The following CPLX2 variants were observed in gnomAD, a reference collection of about 807,000 sequenced individuals.
The protein encoded by CPLX2 is complexin-2.
A neutral mutation model predicts 16.3 loss-of-function variants in CPLX2; 5 were observed. The ratio of observed to expected loss-of-function variants is 0.31; its 90% CI spans 0.16 to 0.64. The LOEUF is 0.64. Ranked by LOEUF, CPLX2 falls within the 30% of genes least tolerant of loss-of-function variation. CPLX2 has a pLI of 0.79. For synonymous variants in CPLX2, 89 were observed against 73.2 expected (o/e 1.22, Z -1.10); for missense variants, 144 against 181.4 (o/e 0.79, Z 1.18).
intron 1 of CPLX2, among the ~76,000 whole-genome samples, chr5:175,874,712 A>G (rs4867808): frequency 0.69 from 104,750 of 151,874 alleles, 36,836 homozygotes; most frequent in East Asian, 0.97. Context: ...GTGCAGGTGT[A>G]GGGGAGGGGA....
At chr5:175,857,324 GTCTT>G (rs1193963823) in intron 2 of CPLX2, among the ~76,000 whole-genome samples, 1 of 152,210 alleles carries the variant, frequency 6.6e-6, no homozygotes, top group African/African-American at 2.4e-5. Flanking sequence ...TCCCTGTCCT[GTCTT>G]TCTTTCTCAT....
intron 2 of CPLX2, among the ~76,000 whole-genome samples, chr5:175,834,264 C>T (rs952964031): frequency 2.6e-5 from 4 of 152,178 alleles, no homozygotes; most frequent in Non-Finnish European, 5.9e-5. Context: ...ACCCTGCATG[C>T]GAAAACTGCT....
At position 175,838,584 on chromosome 5, in the gene CPLX2, T is replaced by TC. The variant is rs1291078962; in HGVS notation, c.-89+29520dup. On this transcript the variant is annotated intron_variant, in intron 2 of 4. Coordinates refer to the CPLX2 transcript ENST00000359546. ...CCCTTCTGTCTTTCATCTTTATACT[T>TC]CCCCAGGGGTTTCTGGGCTGCCCCC... Among the ~76,000 whole-genome samples the TC allele has an allele frequency of 1.1e-4, 17 of 152,218 alleles. No homozygotes were observed. In the East Asian group the frequency reaches 2.9e-3, roughly 26 times the overall value.
At chr5:175,862,583 T>A (rs942977463) in intron 2 of CPLX2, among the ~76,000 whole-genome samples, 1 of 152,194 alleles carries the variant, frequency 6.6e-6, no homozygotes, top group Non-Finnish European at 1.5e-5. Flanking sequence ...CAGAAAGCAG[T>A]CAGAGTCTGA....
At chr5:175,820,678 G>A (rs930341035) in intron 2 of CPLX2, among the ~76,000 whole-genome samples, 12 of 152,190 alleles carry the variant, frequency 7.9e-5, no homozygotes, top group Admixed American at 2.0e-4. Context: ...CACACAGCCC[G>A]TGTGACTGTC....
chr5:175,841,502 C>A (rs1758944224), intron 2 of CPLX2, among the ~76,000 whole-genome samples: 1 of 152,192 alleles, frequency 6.6e-6, no homozygotes, highest in South Asian at 2.1e-4. Flanking sequence ...GTGGGGTACA[C>A]CTGCCCCACT....
At chr5:175,866,705 G>A (rs1048850709), upstream of CPLX2, among the ~76,000 whole-genome samples, 2 of 152,270 alleles carry the variant, frequency 1.3e-5, no homozygotes, top group African/African-American at 4.8e-5. Context: ...CTCCCCCAGG[G>A]AATTTCCACA....
chr5:175,836,528 T>C (rs1030826526), intron 2 of CPLX2, among the ~76,000 whole-genome samples: 1 of 152,108 alleles, frequency 6.6e-6, no homozygotes, highest in African/African-American at 2.4e-5. Context: ...GTTGTCCCAT[T>C]GTCTCAGGCA....
At chr5:175,878,036 G>A (rs1389306244) in intron 1 of CPLX2, among the ~76,000 whole-genome samples, 2 of 152,132 alleles carry the variant, frequency 1.3e-5, no homozygotes, top group Non-Finnish European at 1.5e-5. Flanking sequence ...AAAATTACAC[G>A]TACATTACAA....
chr5:175,854,978 TA>T (rs1759226583), intron 2 of CPLX2, among the ~76,000 whole-genome samples: 1 of 152,194 alleles, frequency 6.6e-6, no homozygotes, highest in Admixed American at 6.5e-5. Flanking sequence ...GCAGAAGAGA[TA>T]AACCCAGAAC....
At chr5:175,811,538 T>C (rs540495042) in intron 2 of CPLX2, among the ~76,000 whole-genome samples, 1 of 151,960 alleles carries the variant, frequency 6.6e-6, no homozygotes, top group African/African-American at 2.4e-5. Context: ...GTTGTGAAGA[T>C]GAGGTGCATT....
At chr5:175,866,518 T>C (rs902135367) in intron 2 of CPLX2, among the ~76,000 whole-genome samples, 5 of 151,928 alleles carry the variant, frequency 3.3e-5, no homozygotes, top group African/African-American at 9.7e-5. Context: ...CAAGTGGGGA[T>C]ATACAGGGCT....
chr5:175,798,815 C>A (rs749390032), intron 1 of CPLX2, among the ~76,000 whole-genome samples: 1 of 152,114 alleles, frequency 6.6e-6, no homozygotes, highest in Non-Finnish European at 1.5e-5. Flanking sequence ...TCACACACAC[C>A]CACATCCACT....
intron 1 of CPLX2, among the ~76,000 whole-genome samples, chr5:175,803,021 A>C (rs1488519973): frequency 6.6e-6 from 1 of 152,056 alleles, no homozygotes; most frequent in East Asian, 1.9e-4. Flanking sequence ...TAGTAGAGAC[A>C]GGGTTTCACC....
chr5:175,839,847 AT>A (rs1242279985), intron 2 of CPLX2, among the ~76,000 whole-genome samples: 3 of 152,236 alleles, frequency 2.0e-5, no homozygotes, highest in African/African-American at 7.2e-5. Context: ...ACATTTTTCC[AT>A]TTTAGGACAT....
intron 2 of CPLX2, among the ~76,000 whole-genome samples, chr5:175,864,878 A>G (rs180899051): frequency 1.4e-3 from 212 of 152,320 alleles, no homozygotes; most frequent in African/African-American, 4.9e-3. Flanking sequence ...ATACTTACCT[A>G]GAGTGAGAAG....
intron 1 of CPLX2, among the ~76,000 whole-genome samples, chr5:175,875,936 G>A (rs1759746439): frequency 6.6e-6 from 1 of 152,068 alleles, no homozygotes; most frequent in South Asian, 2.1e-4. Context: ...AACTGGTGGA[G>A]GGGTGGCAGT....
At chr5:175,873,400 T>C (rs1759682109) in intron 1 of CPLX2, among the ~76,000 whole-genome samples, 1 of 152,020 alleles carries the variant, frequency 6.6e-6, no homozygotes, top group Non-Finnish European at 1.5e-5. Context: ...ACACACGTCC[T>C]CAGGATCTAC....
At chr5:175,859,660 T>C (rs1207978238) in intron 2 of CPLX2, among the ~76,000 whole-genome samples, 1 of 152,158 alleles carries the variant, frequency 6.6e-6, no homozygotes, top group Non-Finnish European at 1.5e-5. Context: ...TGAGGGGGTG[T>C]GGAGATATGA....
Sources: allele counts gnomAD v4.1 joint callset (sites outside exome capture counted in the v4.1 genomes callset), GRCh38; gene constraint gnomAD v4.1.1; transcripts MANE v1.5; gene names NCBI Gene and HGNC (gene_info 2026-07-23, HGNC 2026-07-21).